The following ZNF736 variants were observed in gnomAD, a reference collection of about 807,000 sequenced individuals.
The protein encoded by ZNF736 is zinc finger protein 736.
ZNF736 carries 6 observed loss-of-function variants against 11.7 expected under a neutral mutation model. The ratio of observed to expected loss-of-function variants is 0.51; its 90% CI spans 0.28 to 1.01. The LOEUF (loss-of-function observed/expected upper bound fraction) is 1.01. Ranked by LOEUF, ZNF736 falls within the 50% of genes least tolerant of loss-of-function variation. ZNF736 has a pLI of 0.09. For synonymous variants in ZNF736, 139 were observed against 164.7 expected (o/e 0.84, Z 1.19); for missense variants, 444 against 496.0 (o/e 0.90, Z 1.00).
intron 1 of ZNF736, among the ~76,000 whole-genome samples, chr7:64,325,903 A>G (rs1204933741): frequency 1.3e-5 from 2 of 152,152 alleles, no homozygotes; most frequent in Non-Finnish European, 2.9e-5. Context: ...TTGCTTTTGA[A>G]TATAGCCAAT....
chr7:64,314,197 T>C, intron 1 of ZNF736, 44 bp downstream of exon 1: 1 of 1,550,312 alleles, frequency 6.5e-7, no homozygotes, highest in African/African-American at 1.4e-5. Flanking sequence ...GAAGAGGCTG[T>C]TTGAATCCGG....
Position 64,336,269 on chromosome 7 carries a change from C to T in ZNF736, c.14C>T (p.Thr5Ile), listed in dbSNP as rs770225878. 1.7e-5 allele frequency: 28 copies of T among 1,612,070 alleles called. No homozygotes were observed. Among genetic ancestry groups the T allele is most frequent in the Non-Finnish European group, 2.2e-5 (26 of 1,179,036 alleles). ...TGTTTTGTTTTCCAGGGAGTGTTGA[C>T]ATTCAGGGATGTGGCTGTAGAATTC... MGVL[T>I]FRDVAVEFSP... is the part of the protein sequence containing the mutation. Residue 5 changes from threonine to isoleucine, a missense_variant, in exon 2 of 4, where the codon ACA becomes ATA. By Grantham distance (89) the Thr-to-Ile change is moderately conservative. Transcript: ENST00000423484.
At chr7:64,322,785 T>C (rs1463150638) in intron 1 of ZNF736, among the ~76,000 whole-genome samples, 1 of 152,218 alleles carries the variant, frequency 6.6e-6, no homozygotes, top group East Asian at 1.9e-4. Context: ...TATTTATTAG[T>C]GTAATTAACT....
chr7:64,333,332 C>T (rs1422026888), intron 1 of ZNF736, among the ~76,000 whole-genome samples: 1 of 152,042 alleles, frequency 6.6e-6, no homozygotes, highest in African/African-American at 2.4e-5. Flanking sequence ...TCCCTACGTC[C>T]CAGCTTTTAA....
Position 64,355,969 on chromosome 7 carries a change from G to T in ZNF736, c.*6822G>T. ...TTTGGGGGCAATTGGATGATATATA[G>T]AGTGGTTATGCTGCATCAGGTCCTA... On this transcript the variant is annotated 3_prime_UTR_variant, in exon 4 of 4. Coordinates refer to ENST00000423484, the MANE Select transcript of ZNF736 (RefSeq NM_001170905.3). 5.3e-6 allele frequency: 1 copy of T among 187,144 alleles called. No individual in the cohort carries two copies. Among genetic ancestry groups the T allele is most frequent in the South Asian group, 1.1e-4 (1 of 9,042 alleles). 11.6% of individuals were successfully genotyped at this position (187,144 alleles called of 1,614,324 possible). A position where few individuals can be genotyped will look rare whatever the true frequency, so the allele number is the denominator to read the frequency against.
chr7:64,336,456 G>T (rs1327452281), intron 2 of ZNF736, 71 bp downstream of exon 2: 8 of 1,448,348 alleles, frequency 5.5e-6, no homozygotes, highest in Non-Finnish European at 7.3e-6. Context: ...TTTTTTGGAG[G>T]TTCTGCTTTG....
At position 64,335,879 on chromosome 7, in the gene ZNF736, C is replaced by A. The variant is rs1331033299; in HGVS notation, c.4-380C>A. On this transcript the variant is annotated intron_variant, in intron 1 of 3. Coordinates refer to ENST00000423484, the MANE Select transcript of ZNF736 (RefSeq NM_001170905.3). Reference sequence around the variant, plus strand: ...GTCAAAATCTAGGTTTTAACAAGATCTCCTGTTCATTGCTATACACAATAA... The same window carrying A: ...GTCAAAATCTAGGTTTTAACAAGATATCCTGTTCATTGCTATACACAATAA... Among the ~76,000 whole-genome samples, 5 of 152,194 alleles carry A rather than the reference C, an allele frequency of 3.3e-5. No homozygotes were observed. In the South Asian group the frequency reaches 8.3e-4, roughly 25 times the overall value.
intron 1 of ZNF736, among the ~76,000 whole-genome samples, chr7:64,317,965 G>C (rs2115864161): frequency 6.6e-6 from 1 of 151,738 alleles, no homozygotes; most frequent in African/African-American, 2.4e-5. Flanking sequence ...TTTGTACTGT[G>C]TATGTAAAGT....
At chr7:64,332,372 GT>G (rs1789182879) in intron 1 of ZNF736, among the ~76,000 whole-genome samples, 2 of 152,138 alleles carry the variant, frequency 1.3e-5, no homozygotes, top group African/African-American at 4.8e-5. Flanking sequence ...AGACTAGCAA[GT>G]TTTTATTAAG....
chr7:64,344,064 A>G (rs1477578326), intron 3 of ZNF736, among the ~76,000 whole-genome samples: 1 of 151,834 alleles, frequency 6.6e-6, no homozygotes, highest in East Asian at 1.9e-4. Flanking sequence ...GCACTTTGGG[A>G]GGCGAAGGTG....
chr7:64,333,544 A>G (rs1584270871), intron 1 of ZNF736, among the ~76,000 whole-genome samples: 1 of 152,034 alleles, frequency 6.6e-6, no homozygotes, highest in African/African-American at 2.4e-5. Context: ...AAAAATGCAC[A>G]TTTAATGAGA....
At position 64,319,331 on chromosome 7, in the gene ZNF736, G is replaced by GTA. The variant is rs1303895518; in HGVS notation, c.3+5179_3+5180insAT. 6.2e-3 allele frequency among the ~76,000 whole-genome samples: 467 copies of GTA among 75,496 alleles called. 43 individuals are homozygous for GTA. Among genetic ancestry groups the GTA allele is most frequent in the Non-Finnish European group, 8.6e-3 (323 of 37,764 alleles). 49.5% of individuals were successfully genotyped at this position (75,496 alleles called of 152,430 possible). Reference sequence around the variant, plus strand: ...TGTATATGTATGTGTGTGTGTGTATGTGTATATATATATATATATATATAT... The same window carrying GTA: ...TGTATATGTATGTGTGTGTGTGTATGTATGTATATATATATATATATATATAT... On this transcript the variant is annotated intron_variant, in intron 1 of 3. Transcript: ENST00000423484.
chr7:64,317,094 A>T (rs1206691233), intron 1 of ZNF736, among the ~76,000 whole-genome samples: 4 of 152,298 alleles, frequency 2.6e-5, no homozygotes, highest in Middle Eastern at 3.4e-3. Flanking sequence ...CATTTTTTTA[A>T]AAAATTTCTA....
At chr7:64,328,265 T>TTA (rs1789109596) in intron 1 of ZNF736, among the ~76,000 whole-genome samples, 4 of 151,458 alleles carry the variant, frequency 2.6e-5, no homozygotes, top group Admixed American at 2.6e-4. Flanking sequence ...TTTTTTTTTT[T>TTA]ATGGTAGAAG....
intron 3 of ZNF736, among the ~76,000 whole-genome samples, chr7:64,347,863 T>G (rs1789432389): frequency 6.6e-6 from 1 of 152,238 alleles, no homozygotes; most frequent in Non-Finnish European, 1.5e-5. Flanking sequence ...CACTTCTATG[T>G]GGTTCTTGGC....
At chr7:64,339,688 C>G (rs1461996985) in intron 3 of ZNF736, among the ~76,000 whole-genome samples, 2 of 136,312 alleles carry the variant, frequency 1.5e-5, no homozygotes, top group Non-Finnish European at 3.3e-5. Context: ...ATTACAGTAG[C>G]CTTCATATGT....
chr7:64,324,363 G>A (rs1789053557), intron 1 of ZNF736, among the ~76,000 whole-genome samples: 1 of 152,066 alleles, frequency 6.6e-6, no homozygotes, highest in Admixed American at 6.6e-5. Flanking sequence ...GGAGACTCCA[G>A]GTGTCTCAGA....
At chr7:64,342,290 T>A (rs538426183) in intron 3 of ZNF736, among the ~76,000 whole-genome samples, 1 of 152,252 alleles carries the variant, frequency 6.6e-6, no homozygotes, top group East Asian at 1.9e-4. Context: ...TAATTTCCAA[T>A]CAGTTGATCA....
intron 1 of ZNF736, among the ~76,000 whole-genome samples, chr7:64,326,365 G>A (rs1562668978): frequency 6.6e-6 from 1 of 152,094 alleles, no homozygotes; most frequent in Non-Finnish European, 1.5e-5. Flanking sequence ...TAGAAAAATA[G>A]CTTCACAGCA....
Sources: gnomAD v4.1 joint callset for allele counts (sites outside exome capture counted in the v4.1 genomes callset) on GRCh38, gnomAD v4.1.1 for gene constraint, MANE v1.5 for transcripts, NCBI Gene and HGNC (gene_info 2026-07-23, HGNC 2026-07-21) for gene names.